The following KIF11 variants were observed in gnomAD, a reference collection of about 807,000 sequenced individuals.
KIF11 encodes the protein kinesin family member 11, also known as kinesin-like protein KIF11.
In KIF11, 9 loss-of-function variants were observed where a neutral mutation model predicts 121.0. The observed-to-expected ratio is 0.07, with a 90% CI of 0.04 to 0.13. The LOEUF (loss-of-function observed/expected upper bound fraction) is 0.13. KIF11 is among the 10% of genes least tolerant of loss of function. The pLI, the probability that KIF11 is intolerant of heterozygous loss-of-function variation, is 1.00. For synonymous variants in KIF11, 408 were observed against 421.0 expected (o/e 0.97, Z 0.38); for missense variants, 846 against 1,217.5 (o/e 0.69, Z 4.54).
intron 14 of KIF11, among the ~76,000 whole-genome samples, chr10:92,634,054 G>C (rs1844767880): frequency 1.3e-5 from 2 of 152,066 alleles, no homozygotes; most frequent in South Asian, 4.1e-4. Flanking sequence ...CGTGATCTCG[G>C]CTCACTGCAA....
chr10:92,635,811 C>T (rs1844789441), intron 14 of KIF11, among the ~76,000 whole-genome samples: 1 of 152,172 alleles, frequency 6.6e-6, no homozygotes, highest in Non-Finnish European at 1.5e-5. Flanking sequence ...TGAATTGATA[C>T]ATTTCTACTT....
intron 18 of KIF11, among the ~76,000 whole-genome samples, chr10:92,647,436 T>C (rs138379159): frequency 4.1e-4 from 63 of 152,296 alleles, no homozygotes; most frequent in African/African-American, 1.5e-3. Context: ...ATTTGGATGA[T>C]AAATTATATA....
intron 1 of KIF11, among the ~76,000 whole-genome samples, chr10:92,598,645 A>T (rs1002468766): frequency 2.6e-5 from 4 of 152,208 alleles, no homozygotes; most frequent in Non-Finnish European, 4.4e-5. Flanking sequence ...TGGGATTTTA[A>T]TAGGGATTAC....
chr10:92,606,841 G>C, intron 3 of KIF11, 125 bp downstream of exon 3: 1 of 683,134 alleles, frequency 1.5e-6, no homozygotes, highest in South Asian at 1.7e-5. Context: ...GCAATGGCGC[G>C]ATCTCGGCTC....
chr10:92,630,098 T>C (rs933735605), intron 11 of KIF11, 78 bp from the exon 12 acceptor site: 12 of 717,826 alleles, frequency 1.7e-5, no homozygotes, highest in Middle Eastern at 4.0e-4. Context: ...GGAAATAATT[T>C]GTTTCATTTT....
At chr10:92,599,835 T>G (rs1045068690) in intron 1 of KIF11, among the ~76,000 whole-genome samples, 1 of 150,182 alleles carries the variant, frequency 6.7e-6, no homozygotes, top group Non-Finnish European at 1.5e-5. Flanking sequence ...GTATTTTTAG[T>G]AGAGACGGGG....
intron 19 of KIF11, 64 bp from the exon 20 acceptor site, chr10:92,649,771 G>A: frequency 8.5e-7 from 1 of 1,176,502 alleles, no homozygotes; most frequent in Non-Finnish European, 1.2e-6. Flanking sequence ...GAAGTTTTAG[G>A]TTTTTTTAAA....
rs1845014504 is a variant in KIF11, at chr10:92,653,791, C to T, written c.3166C>T (p.Leu1056Phe). ...SRLPLRAQIN[L>F] Reference sequence around the variant, plus strand: ...ATTACCTCTGCGAGCCCAGATCAACCTTTAATTCACTTGGGGGTTGGCAAT... The same window carrying T: ...ATTACCTCTGCGAGCCCAGATCAACTTTTAATTCACTTGGGGGTTGGCAAT... Residue 1056 changes from leucine to phenylalanine, a missense_variant, in exon 22 of 22, where the codon CTT becomes TTT. Physicochemically the swap from Leu to Phe is conservative, Grantham distance 22 (BLOSUM62 0). Coordinates refer to ENST00000260731, the MANE Select transcript of KIF11 (RefSeq NM_004523.4). 1 of 1,605,012 alleles carries T rather than the reference C, an allele frequency of 6.2e-7. No homozygotes were observed. The highest frequency in any genetic ancestry group is 1.8e-5 in the Admixed American group (1 of 56,800).
intron 13 of KIF11, 116 bp from the exon 14 acceptor site, chr10:92,633,507 C>T (rs1008809926): frequency 5.8e-5 from 41 of 707,136 alleles, no homozygotes; most frequent in Admixed American, 1.3e-4. Flanking sequence ...CTTTTAAGCT[C>T]GTTATTACAA....
At chr10:92,620,264 T>C (rs1419729425) in intron 9 of KIF11, among the ~76,000 whole-genome samples, 1 of 152,012 alleles carries the variant, frequency 6.6e-6, no homozygotes, top group Non-Finnish European at 1.5e-5. Flanking sequence ...GTATTTTTAG[T>C]AGAGACAGGG....
intron 8 of KIF11, among the ~76,000 whole-genome samples, chr10:92,614,018 G>A (rs1161135717): frequency 3.1e-5 from 2 of 64,906 alleles, no homozygotes; most frequent in African/African-American, 1.1e-4. Flanking sequence ...AAAAGTATGT[G>A]TATACACACA....
At chr10:92,651,083 G>A (rs940504227) in intron 21 of KIF11, among the ~76,000 whole-genome samples, 1 of 152,074 alleles carries the variant, frequency 6.6e-6, no homozygotes, top group African/African-American at 2.4e-5. Flanking sequence ...CTGAAGTGGA[G>A]TGGCACGATC....
Position 92,628,901 on chromosome 10 carries a change from C to A in KIF11, c.1305+6C>A. On this transcript the variant is annotated splice_donor_region_variant and intron_variant, in intron 11 of 21. Coordinates refer to ENST00000260731, the MANE Select transcript of KIF11 (RefSeq NM_004523.4). ...TTGAGGAGGAGCTGAATAGGGTAAG[C>A]ACTTAAAATGATATTTACTGTTATG... 3 of 1,430,346 alleles carry A rather than the reference C, an allele frequency of 2.1e-6. No individual in the cohort carries two copies. The highest frequency in any genetic ancestry group is 2.9e-6 in the Non-Finnish European group (3 of 1,023,290). 88.6% of individuals were successfully genotyped at this position (1,430,346 alleles called of 1,614,324 possible). A position where few individuals can be genotyped will look rare whatever the true frequency, so the allele number is the denominator to read the frequency against.
At chr10:92,609,301 AGAGTGTGTGTGTGTGTGTGT>A in intron 5 of KIF11, 64 bp from the exon 6 acceptor site, 1 of 598,354 alleles carries the variant, frequency 1.7e-6, no homozygotes, top group Non-Finnish European at 2.2e-6. Flanking sequence ...AGAGAGAGAG[AGAGTGTGTGTGTGTGTGTGT>A]GTGTGTGTGT....
At chr10:92,611,559 G>A (rs1844496772) in intron 6 of KIF11, among the ~76,000 whole-genome samples, 1 of 151,888 alleles carries the variant, frequency 6.6e-6, no homozygotes. Flanking sequence ...TTTTCCTTAG[G>A]TCTTCCTCCT....
At chr10:92,608,599 C>T (rs191495667) in intron 4 of KIF11, among the ~76,000 whole-genome samples, 11 of 152,172 alleles carry the variant, frequency 7.2e-5, no homozygotes, top group South Asian at 2.1e-4. Context: ...CCACCAAGTC[C>T]GGCTAATTTT....
chr10:92,628,070 G>A (rs1844698756), intron 10 of KIF11, among the ~76,000 whole-genome samples: 1 of 152,092 alleles, frequency 6.6e-6, no homozygotes, highest in Non-Finnish European at 1.5e-5. Flanking sequence ...GGTGGTGGTG[G>A]GTGGTTTTGT....
chr10:92,648,228 G>C lies in KIF11; in HGVS notation c.2564G>C (p.Cys855Ser). Reference protein sequence around the residue: ...HNLLEVVSQCCEASSSDITEK... With the variant: ...HNLLEVVSQCSEASSSDITEK... The stretch of plus-strand genomic sequence containing the variant: ...CATTTACAGGTTGTAAGCCAATGTT[G>C]TGAGGCTTCAAGTTCAGACATCACT... The change falls in exon 19 of 22, where the codon TGT becomes TCT. Residue 855 changes from cysteine to serine, a missense_variant. Physicochemically the swap from Cys to Ser is moderately radical, Grantham distance 112. Coordinates refer to ENST00000260731, the MANE Select transcript of KIF11 (RefSeq NM_004523.4). 2 of 1,606,934 alleles carry C rather than the reference G, an allele frequency of 1.2e-6. No homozygotes were observed. Among genetic ancestry groups the C allele is most frequent in the African/African-American group, 2.7e-5 (2 of 74,610 alleles).
chr10:92,620,571 G>T (rs1444280936), intron 9 of KIF11, among the ~76,000 whole-genome samples: 2 of 152,100 alleles, frequency 1.3e-5, no homozygotes, highest in Non-Finnish European at 2.9e-5. Context: ...CTTAGGCCAG[G>T]GGTATGTTAG....
Sources: gnomAD v4.1 joint callset for allele counts (sites outside exome capture counted in the v4.1 genomes callset) on GRCh38, gnomAD v4.1.1 for gene constraint, MANE v1.5 for transcripts, NCBI Gene and HGNC (gene_info 2026-07-23, HGNC 2026-07-21) for gene names.